Variants in MLIP observed in about 807,000 individuals in gnomAD.
MLIP encodes the protein muscular LMNA-interacting protein.
In MLIP, 79 loss-of-function variants were observed where a neutral mutation model predicts 84.8. That is an observed-to-expected ratio of 0.93 (90% CI 0.78 to 1.12). The LOEUF (loss-of-function observed/expected upper bound fraction) is 1.12. Ranked by LOEUF, MLIP falls within the 50% of genes most tolerant of loss-of-function variation. The probability of loss-of-function intolerance (pLI) is 0.00; values close to 1 mark genes in which losing one functional copy is unlikely to be tolerated. For synonymous variants in MLIP, 504 were observed against 463.0 expected, an observed-to-expected ratio of 1.09 and a Z score of -1.14; for missense variants, 1,257 against 1,160.6, an observed-to-expected ratio of 1.08 and a Z score of -1.21.
At chr6:54,086,887 A>T (rs1767531002) in intron 1 of MLIP, among the ~76,000 whole-genome samples, 1 of 152,122 alleles carries the variant, frequency 6.6e-6, no homozygotes, top group African/African-American at 2.4e-5. Flanking sequence ...ACCTATTGAA[A>T]TCTATTGTGC....
At chr6:54,097,639 G>A (rs1289155914) in intron 1 of MLIP, among the ~76,000 whole-genome samples, 1 of 152,128 alleles carries the variant, frequency 6.6e-6, no homozygotes, top group Non-Finnish European at 1.5e-5. Flanking sequence ...TTATATATGT[G>A]TGTGAAATGT....
At chr6:54,249,976 T>G (rs1434062669) in intron 12 of MLIP, among the ~76,000 whole-genome samples, 5 of 151,960 alleles carry the variant, frequency 3.3e-5, no homozygotes, top group Non-Finnish European at 5.9e-5. Flanking sequence ...CAGGCCCCAG[T>G]GTCTGTTCCC....
chr6:54,143,744 GT>G (rs1376891772), intron 4 of MLIP, among the ~76,000 whole-genome samples: 2 of 152,024 alleles, frequency 1.3e-5, no homozygotes, highest in African/African-American at 4.8e-5. Flanking sequence ...AAAAATTTGT[GT>G]TTTTTCATGT....
chr6:54,137,682 C>T lies in MLIP; in HGVS notation c.1613C>T (p.Ser538Phe), dbSNP rs944563658. The T allele has an allele frequency of 3.9e-6, 6 of 1,536,102 alleles. No homozygotes were observed. The highest frequency in any genetic ancestry group is 5.2e-6 in the Non-Finnish European group (6 of 1,146,898). Residue 538 changes from serine (S) to phenylalanine (F), a missense_variant, in exon 4 of 14, where the codon TCC (serine) becomes TTC (phenylalanine). Ser to Phe is a radical substitution (Grantham distance 155). Transcript: ENST00000502396. ...SPTLKSNTML[S>F]LLQTSTSSSV... ...ACTTTGAAGAGCAATACCATGCTCT[C>T]CCTGCTACAAACCAGTACATCCAGT...
rs745857669 is a variant in MLIP, at chr6:54,160,512, C to T, written c.2356-4C>T. On this transcript the variant is annotated splice_polypyrimidine_tract_variant and splice_region_variant and intron_variant, in intron 6 of 13. Transcript: ENST00000502396. ...AACCCAGTACCTGGTTTCAATTCTT[C>T]CAGCTCTATTTTCCTGCACAGCTCA... 2 of 1,612,310 alleles carry T rather than the reference C, an allele frequency of 1.2e-6. No homozygotes were observed. Among genetic ancestry groups the T allele is most frequent in the Non-Finnish European group, 1.7e-6 (2 of 1,179,050 alleles).
intron 3 of MLIP, among the ~76,000 whole-genome samples, chr6:54,136,013 G>A (rs1771769517): frequency 6.6e-6 from 1 of 152,134 alleles, no homozygotes. Context: ...ACAAAAGAGA[G>A]CCTATTTCTT....
chr6:54,044,229 C>G (rs547138848), intron 1 of MLIP, among the ~76,000 whole-genome samples: 1 of 152,212 alleles, frequency 6.6e-6, no homozygotes, highest in African/African-American at 2.4e-5. Context: ...GTTTCTGGTT[C>G]AAGAATTAAA....
chr6:54,052,507 A>C (rs1417962794), intron 1 of MLIP, among the ~76,000 whole-genome samples: 1 of 152,196 alleles, frequency 6.6e-6, no homozygotes, highest in Non-Finnish European at 1.5e-5. Flanking sequence ...AAGTTTGAAA[A>C]GACACAGGTA....
At chr6:54,204,431 TA>T (rs983447067) in intron 11 of MLIP, among the ~76,000 whole-genome samples, 1 of 152,212 alleles carries the variant, frequency 6.6e-6, no homozygotes, top group Admixed American at 6.5e-5. Flanking sequence ...AAAATGTTTA[TA>T]AAAATAATTT....
chr6:54,123,226 C>T (rs1191119120), intron 2 of MLIP, among the ~76,000 whole-genome samples: 2 of 152,154 alleles, frequency 1.3e-5, no homozygotes, highest in Non-Finnish European at 2.9e-5. Context: ...TGAGCCACCG[C>T]GCCCGGCTTC....
intron 1 of MLIP, among the ~76,000 whole-genome samples, chr6:54,073,175 CTGGGGGG>C (rs1260763800): frequency 6.6e-6 from 1 of 152,162 alleles, no homozygotes; most frequent in African/African-American, 2.4e-5. Flanking sequence ...AGTAGGAGAG[CTGGGGGG>C]TGGAACTTGG....
intron 12 of MLIP, among the ~76,000 whole-genome samples, chr6:54,236,069 A>G (rs1781339630): frequency 6.6e-6 from 1 of 152,144 alleles, no homozygotes; most frequent in South Asian, 2.1e-4. Flanking sequence ...TGCCCTACAT[A>G]TCTTTCTCTG....
intron 1 of MLIP, among the ~76,000 whole-genome samples, chr6:54,040,769 A>G (rs1321165049): frequency 1.3e-5 from 2 of 152,132 alleles, no homozygotes; most frequent in Admixed American, 6.6e-5. Flanking sequence ...TTGCAGCAAC[A>G]TGGATGGAGC....
chr6:54,216,532 G>A, intron 11 of MLIP: 1 of 985,256 alleles, frequency 1.0e-6, no homozygotes, highest in Non-Finnish European at 1.2e-6. Context: ...GAAACTTGCT[G>A]TCAGACAACC....
At chr6:54,115,382 T>C (rs972849084) in intron 1 of MLIP, among the ~76,000 whole-genome samples, 3 of 152,050 alleles carry the variant, frequency 2.0e-5, no homozygotes, top group South Asian at 4.2e-4. Context: ...AGGAAAATAA[T>C]TGTGGAAGAA....
At chr6:54,143,243 G>C (rs1441639186) in intron 4 of MLIP, among the ~76,000 whole-genome samples, 4 of 143,580 alleles carry the variant, frequency 2.8e-5, no homozygotes, top group African/African-American at 1.1e-4. Context: ...TTGAGGTGTA[G>C]TTTCGCTCTT....
chr6:54,055,246 C>T (rs1765597508), intron 1 of MLIP, among the ~76,000 whole-genome samples: 1 of 152,028 alleles, frequency 6.6e-6, no homozygotes, highest in South Asian at 2.1e-4. Context: ...TATGTGTCCC[C>T]AATGTGTAAC....
chr6:54,213,125 C>A (rs1779578419), intron 11 of MLIP, among the ~76,000 whole-genome samples: 1 of 152,126 alleles, frequency 6.6e-6, no homozygotes, highest in African/African-American at 2.4e-5. Context: ...TTGCAATAAA[C>A]TTTGGGGATA....
intron 4 of MLIP, among the ~76,000 whole-genome samples, chr6:54,147,231 G>C (rs193029923): frequency 6.6e-6 from 1 of 152,278 alleles, no homozygotes; most frequent in African/African-American, 2.4e-5. Flanking sequence ...TTGGACACAG[G>C]CAGGCTCTTT....
Sources: gnomAD v4.1 joint callset for allele counts (sites outside exome capture counted in the v4.1 genomes callset) on GRCh38, gnomAD v4.1.1 for gene constraint, MANE v1.5 for transcripts, NCBI Gene and HGNC (gene_info 2026-07-23, HGNC 2026-07-21) for gene names.